Variants in PTPRA observed in about 807,000 individuals in gnomAD.
PTPRA encodes receptor-type tyrosine-protein phosphatase alpha.
In PTPRA, 25 loss-of-function variants were observed where a neutral mutation model predicts 104.8. That is an observed-to-expected ratio of 0.24 (90% CI 0.17 to 0.33). PTPRA has a LOEUF of 0.33. PTPRA is among the 10% of genes least tolerant of loss of function. The probability of loss-of-function intolerance (pLI) is 1.00; values close to 1 mark genes in which losing one functional copy is unlikely to be tolerated. For synonymous variants in PTPRA, 323 were observed against 368.9 expected (o/e 0.88, Z 1.43); for missense variants, 765 against 1,015.3 (o/e 0.75, Z 3.35).
chr20:2,950,219 C>A lies in PTPRA; in HGVS notation c.-7+2195C>A, dbSNP rs1487940340. On this transcript the variant is annotated intron_variant, in intron 3 of 23. Coordinates refer to ENST00000399903, the MANE Select transcript of PTPRA (RefSeq NM_001385305.1). This position sits in a 1 kb window ranked among gnomAD's most constrained non-coding sequence, Gnocchi z 4.0. ...AAGAATATTCAGGTCTTTTGTTCTTCCTGGGCTAGTTTTTTATTCTTTTTC... is the reference window on the plus strand; with the variant it reads ...AAGAATATTCAGGTCTTTTGTTCTTACTGGGCTAGTTTTTTATTCTTTTTC... 6.6e-6 allele frequency among the ~76,000 whole-genome samples: 1 copy of A among 152,076 alleles called. No individual in the cohort carries two copies. Among genetic ancestry groups the A allele is most frequent in the South Asian group, 2.1e-4 (1 of 4,828 alleles).
At chr20:2,976,232 T>G (rs1702125408) in intron 6 of PTPRA, among the ~76,000 whole-genome samples, 1 of 152,222 alleles carries the variant, frequency 6.6e-6, no homozygotes, top group African/African-American at 2.4e-5. Flanking sequence ...TCTTTGCTGT[T>G]CAGATTCACT....
At chr20:2,986,688 G>C (rs1431254830) in intron 6 of PTPRA, 77 bp from the exon 7 acceptor site, 5 of 1,236,804 alleles carry the variant, frequency 4.0e-6, no homozygotes, top group South Asian at 2.4e-5. Flanking sequence ...TCCTCTTCAG[G>C]GTGTTGCCCT....
intron 1 of PTPRA, among the ~76,000 whole-genome samples, chr20:2,896,922 T>C (rs2059021701): frequency 6.6e-6 from 1 of 152,248 alleles, no homozygotes; most frequent in Admixed American, 6.5e-5. Flanking sequence ...TTCCTTATTT[T>C]CAGTGATCCT....
chr20:2,950,400 AG>A lies in PTPRA; in HGVS notation c.-7+2378del, dbSNP rs1317768882. 6.6e-6 allele frequency among the ~76,000 whole-genome samples: 1 copy of A among 151,864 alleles called. No homozygotes were observed. The highest frequency in any genetic ancestry group is 2.4e-5 in the African/African-American group (1 of 41,322). Reference sequence around the variant, plus strand: ...ACACCTGTAATCCCAGCACTTTGGGAGGCCGAGGCGGGCGGATCACGAGGTC... The same window carrying A: ...ACACCTGTAATCCCAGCACTTTGGGAGCCGAGGCGGGCGGATCACGAGGTC... On this transcript the variant is annotated intron_variant, in intron 3 of 23. Transcript: ENST00000399903. The surrounding 1 kb of genome is among the most constrained non-coding windows in gnomAD (Gnocchi z 4.0).
chr20:2,914,932 CCTT>C (rs1025539608), intron 1 of PTPRA, among the ~76,000 whole-genome samples: 8 of 152,230 alleles, frequency 5.3e-5, no homozygotes, highest in African/African-American at 1.7e-4. Flanking sequence ...CAGTCTACTG[CCTT>C]CTTCTTTGAG....
chr20:2,864,354 C>A, the PTPRA span: 1 of 1,614,184 alleles, frequency 6.2e-7, no homozygotes, highest in Non-Finnish European at 8.5e-7. The surrounding 1 kb of genome is among the most constrained non-coding windows in gnomAD (Gnocchi z 5.2). Context: ...CTCCACCTTA[C>A]TCTCCTGCAG....
chr20:2,927,935 G>C (rs1389414716), intron 2 of PTPRA, among the ~76,000 whole-genome samples: 2 of 151,670 alleles, frequency 1.3e-5, no homozygotes, highest in African/African-American at 4.8e-5. Context: ...GCTTGAACCC[G>C]GGTGGTGGAG....
chr20:3,013,984 T>C (rs1333448955), intron 11 of PTPRA, among the ~76,000 whole-genome samples: 1 of 152,144 alleles, frequency 6.6e-6, no homozygotes, highest in African/African-American at 2.4e-5. Context: ...GGAAGCACTT[T>C]GGGGCTGGGC....
chr20:2,992,575 G>T (rs2063226389), intron 9 of PTPRA, among the ~76,000 whole-genome samples: 1 of 152,120 alleles, frequency 6.6e-6, no homozygotes, highest in South Asian at 2.1e-4. Context: ...GAAGTCATTT[G>T]GATACCTGTC....
intron 19 of PTPRA, among the ~76,000 whole-genome samples, 179 bp downstream of exon 19, chr20:3,027,376 A>G (rs549177389): frequency 6.6e-6 from 1 of 151,796 alleles, no homozygotes; most frequent in Non-Finnish European, 1.5e-5. Flanking sequence ...TCCATAGAGC[A>G]GAAGGTGGGG....
chr20:3,026,577 G>A (rs2065155981), intron 17 of PTPRA, 110 bp from the exon 18 acceptor site: 5 of 764,924 alleles, frequency 6.5e-6, no homozygotes, highest in Non-Finnish European at 1.1e-5. Context: ...CTGGTGAGAA[G>A]AGCAGTATGG....
intron 5 of PTPRA, among the ~76,000 whole-genome samples, chr20:2,971,980 C>T (rs1380044445): frequency 2.0e-5 from 3 of 151,940 alleles, no homozygotes; most frequent in African/African-American, 2.4e-5. Context: ...ACTACAGGCA[C>T]GCACCACCAT....
In PTPRA at chr20:2,873,561, C is replaced by G. The variant is rs2089491854; in HGVS notation, c.-328C>G. On this transcript the variant is annotated 5_prime_UTR_variant, in exon 1 of 24. Transcript: ENST00000399903. The surrounding 1 kb of genome is among the most constrained non-coding windows in gnomAD (Gnocchi z 4.4). The stretch of plus-strand genomic sequence containing the variant: ...GATCGCGCTCGGACCCCGGCCGCTG[C>G]CGCCATCACTGTCGCCCGCCCAGTC... 1 of 151,652 alleles carries G rather than the reference C, an allele frequency of 6.6e-6. No individual in the cohort carries two copies. The highest frequency in any genetic ancestry group is 1.5e-5 in the Non-Finnish European group (1 of 67,856). 9.4% of individuals were successfully genotyped at this position (151,652 alleles called of 1,614,324 possible). A position where few individuals can be genotyped will look rare whatever the true frequency, so the allele number is the denominator to read the frequency against.
At chr20:2,899,005 G>T (rs1287146269) in intron 1 of PTPRA, among the ~76,000 whole-genome samples, 5 of 152,112 alleles carry the variant, frequency 3.3e-5, no homozygotes, top group Non-Finnish European at 7.4e-5. Flanking sequence ...TTTCTATTGG[G>T]GTGTTCTTCC....
intron 9 of PTPRA, among the ~76,000 whole-genome samples, chr20:2,989,299 G>A (rs2063044978): frequency 6.6e-6 from 1 of 152,040 alleles, no homozygotes; most frequent in Admixed American, 6.6e-5. Flanking sequence ...TGGGCGTGGT[G>A]GCATGTGCCT....
In PTPRA at chr20:2,951,307, A is replaced by G. The variant is rs559944182; in HGVS notation, c.-7+3283A>G. On this transcript the variant is annotated intron_variant, in intron 3 of 23. Coordinates refer to ENST00000399903, the MANE Select transcript of PTPRA (RefSeq NM_001385305.1). ...AGTAGAGACGGGGTTTCACCATGTTAGCCAGGATGGTCTCGATCTCCTGAC... is the reference window on the plus strand; with the variant it reads ...AGTAGAGACGGGGTTTCACCATGTTGGCCAGGATGGTCTCGATCTCCTGAC... Among the ~76,000 whole-genome samples the G allele has an allele frequency of 1.1e-4, 17 of 152,112 alleles. No individual in the cohort carries two copies. The East Asian group carries it at 3.1e-3, about 28-fold the overall frequency.
upstream of PTPRA, among the ~76,000 whole-genome samples, chr20:2,871,996 C>T (rs989685600): frequency 6.6e-6 from 1 of 152,256 alleles, no homozygotes; most frequent in Non-Finnish European, 1.5e-5. Flanking sequence ...ATTCCCAGGC[C>T]CTGGCTCTGG....
the PTPRA span, chr20:2,864,579 G>A: frequency 1.2e-6 from 2 of 1,614,150 alleles, no homozygotes; most frequent in South Asian, 2.2e-5. This position sits in a 1 kb window ranked among gnomAD's most constrained non-coding sequence, Gnocchi z 5.2. Flanking sequence ...AGACGCTGAA[G>A]GACCTTTACA....
chr20:2,897,406 G>A (rs1395807488), intron 1 of PTPRA, among the ~76,000 whole-genome samples: 1 of 29,648 alleles, frequency 3.4e-5, no homozygotes. Context: ...TTTTTTTTTT[G>A]AGACGGAGTC....
Sources: allele counts gnomAD v4.1 joint callset (sites outside exome capture counted in the v4.1 genomes callset), GRCh38; gene constraint gnomAD v4.1.1; non-coding constraint Gnocchi (gnomAD v3.1); transcripts MANE v1.5; gene names NCBI Gene and HGNC (gene_info 2026-07-23, HGNC 2026-07-21).